IL7: variants seen among roughly 807,000 people sequenced by gnomAD.
IL7 encodes the protein interleukin-7.
In IL7, 3 loss-of-function variants were observed where a neutral mutation model predicts 21.6. The ratio of observed to expected loss-of-function variants is 0.14; its 90% CI spans 0.06 to 0.36. The LOEUF is 0.36. Among genes scored for constraint, IL7 ranks in the 10% least tolerant of loss-of-function variants. The pLI is 1.00. For synonymous variants in IL7, 62 were observed against 68.1 expected (o/e 0.91, Z 0.44); for missense variants, 175 against 200.2 (o/e 0.87, Z 0.76).
chr8:78,697,365 C>G (rs1438002903), intron 3 of IL7: 2 of 1,488,962 alleles, frequency 1.3e-6, no homozygotes, highest in African/African-American at 2.8e-5. Context: ...AATCCATAAT[C>G]AAAAAGTGAT....
chr8:78,796,726 A>G (rs1311986779), intron 2 of IL7, among the ~76,000 whole-genome samples: 2 of 151,994 alleles, frequency 1.3e-5, no homozygotes, highest in African/African-American at 4.8e-5. Flanking sequence ...GCCTATTAAA[A>G]TGGTTAAAAT....
rs1563626738 is a variant in IL7 at position 78,687,636 on chromosome 8, ATATATATATTTACGTAATACAT to A, written n.215-1711_215-1690del. Reference sequence around the variant, plus strand: ...ATTATATATATTTACGTAATACATTATATATATATTTACGTAATACATTATATATATTTACGTAATACATTAT... The same window carrying A: ...ATTATATATATTTACGTAATACATTATATATATATTTACGTAATACATTAT... On this transcript the variant is annotated intron_variant and non_coding_transcript_variant, in intron 3 of 4. Coordinates refer to the IL7 transcript ENST00000523959. 5.2e-4 allele frequency among the ~76,000 whole-genome samples: 68 copies of A among 129,958 alleles called. 1 individual carries two copies. The highest frequency in any genetic ancestry group is 1.8e-3 in the African/African-American group (65 of 35,808). 85.3% of individuals were successfully genotyped at this position (129,958 alleles called of 152,430 possible).
Position 78,681,739 on chromosome 8 carries a change from TGG to T in IL7, n.273+4148_273+4149del, listed in dbSNP as rs1809789307. 1.3e-5 allele frequency among the ~76,000 whole-genome samples: 2 copies of T among 152,152 alleles called. 1 individual carries two copies. The highest frequency in any genetic ancestry group is 4.1e-4 in the South Asian group (2 of 4,828). On this transcript the variant is annotated intron_variant and non_coding_transcript_variant, in intron 4 of 4. Transcript: ENST00000523959. ...TGACATTTTGATTTTATATTTGTTC[TGG>T]TATCTGTTTTGTTGTGTTTTCCAAG...
chr8:78,690,666 A>G (rs1019289004), intron 3 of IL7, among the ~76,000 whole-genome samples: 2 of 152,170 alleles, frequency 1.3e-5, no homozygotes, highest in Non-Finnish European at 2.9e-5. Context: ...TTGAGATTAT[A>G]TTAAATTCAT....
intron 3 of IL7, among the ~76,000 whole-genome samples, chr8:78,706,786 T>A (rs1810786980): frequency 6.6e-6 from 1 of 152,158 alleles, no homozygotes; most frequent in Non-Finnish European, 1.5e-5. Context: ...AAGATATCTG[T>A]CAAATGATAG....
downstream of IL7, among the ~76,000 whole-genome samples, chr8:78,675,390 G>A (rs1316009497): frequency 6.6e-6 from 1 of 151,902 alleles, no homozygotes; most frequent in African/African-American, 2.4e-5. Flanking sequence ...GGAAGTCACT[G>A]AACTCATCAC....
chr8:78,734,453 C>T (rs1163902400), intron 5 of IL7, among the ~76,000 whole-genome samples: 3 of 152,128 alleles, frequency 2.0e-5, no homozygotes, highest in African/African-American at 4.8e-5. Flanking sequence ...TCTCTGAGTC[C>T]TCTGACCTGT....
At chr8:78,689,415 T>C in intron 3 of IL7, 2 of 1,495,550 alleles carry the variant, frequency 1.3e-6, no homozygotes, top group Non-Finnish European at 1.8e-6. Flanking sequence ...AGAAAATGGC[T>C]CATGGACATT....
chr8:78,784,350 C>T (rs1449425590), intron 2 of IL7, among the ~76,000 whole-genome samples: 1 of 152,048 alleles, frequency 6.6e-6, no homozygotes, highest in East Asian at 1.9e-4. Flanking sequence ...TTCCAGCCTC[C>T]AGAACTGTGA....
intron 2 of IL7, among the ~76,000 whole-genome samples, chr8:78,774,394 A>C (rs1282171164): frequency 6.6e-6 from 1 of 152,188 alleles, no homozygotes; most frequent in Non-Finnish European, 1.5e-5. Flanking sequence ...GGACATATTT[A>C]ATACCAAAAT....
intron 4 of IL7, among the ~76,000 whole-genome samples, chr8:78,737,641 A>T (rs1007875050): frequency 1.3e-5 from 2 of 152,152 alleles, no homozygotes; most frequent in Non-Finnish European, 2.9e-5. Flanking sequence ...TGTCAATAGG[A>T]TTCAAAGATA....
At chr8:78,713,605 A>G (rs1428057211), downstream of IL7, among the ~76,000 whole-genome samples, 1 of 152,186 alleles carries the variant, frequency 6.6e-6, no homozygotes, top group Non-Finnish European at 1.5e-5. Context: ...AACCTCATGA[A>G]TGGACTTGGA....
chr8:78,725,693 C>T (rs918911960), intron 3 of IL7, among the ~76,000 whole-genome samples: 3 of 151,912 alleles, frequency 2.0e-5, no homozygotes, highest in Non-Finnish European at 4.4e-5. Flanking sequence ...TCTTCCTTAA[C>T]CCAATCGTAG....
chr8:78,722,907 G>A (rs1210554547), intron 3 of IL7, among the ~76,000 whole-genome samples: 2 of 151,448 alleles, frequency 1.3e-5, no homozygotes, highest in Non-Finnish European at 3.0e-5. Context: ...AAGCTCAAAA[G>A]GTAACAGCAC....
At position 78,746,554 on chromosome 8, in the gene IL7, G is replaced by A. The variant is rs78774339; in HGVS notation, c.148-6472C>T. Among the ~76,000 whole-genome samples the A allele has an allele frequency of 3.5e-3, 529 of 152,288 alleles. 5 individuals carry two copies. The East Asian group carries it at 0.048, about 14-fold the overall frequency. ...CTCATTATTCAGTTGCTTGCAGTGAGTCACTAATTCTAATCCACACTCAAG... is the reference window on the plus strand; with the variant it reads ...CTCATTATTCAGTTGCTTGCAGTGAATCACTAATTCTAATCCACACTCAAG... On this transcript the variant is annotated intron_variant, in intron 2 of 5. Coordinates refer to ENST00000263851, the MANE Select transcript of IL7 (RefSeq NM_000880.4).
At chr8:78,762,461 T>TC in intron 2 of IL7, 1 of 1,496,896 alleles carries the variant, frequency 6.7e-7, no homozygotes, top group Non-Finnish European at 9.0e-7. Context: ...GGTCCAGCCC[T>TC]CCCCTCCCCG....
intron 3 of IL7, among the ~76,000 whole-genome samples, chr8:78,696,822 A>T (rs962627930): frequency 6.6e-6 from 1 of 152,208 alleles, no homozygotes; most frequent in South Asian, 2.1e-4. Flanking sequence ...TGGCTGAATT[A>T]TATATATGGA....
intron 3 of IL7, among the ~76,000 whole-genome samples, chr8:78,703,605 T>C (rs904058801): frequency 1.3e-5 from 2 of 151,464 alleles, no homozygotes; most frequent in Admixed American, 6.6e-5. Context: ...GTACAACCCC[T>C]GCTTTTTTCT....
intron 2 of IL7, among the ~76,000 whole-genome samples, chr8:78,742,788 T>C (rs941216996): frequency 1.3e-5 from 2 of 152,190 alleles, no homozygotes; most frequent in Admixed American, 6.5e-5. Flanking sequence ...ATAGGTAAAC[T>C]TGTGTCATGG....
Sources: gnomAD v4.1 joint callset for allele counts (sites outside exome capture counted in the v4.1 genomes callset) on GRCh38, gnomAD v4.1.1 for gene constraint, MANE v1.5 for transcripts, NCBI Gene and HGNC (gene_info 2026-07-23, HGNC 2026-07-21) for gene names.